Variants in SLC16A2 observed in about 807,000 individuals in gnomAD.
SLC16A2 encodes monocarboxylate transporter 8.
Under a neutral mutation model 27.2 loss-of-function variants are expected in SLC16A2, and 3 were observed. That is an observed-to-expected ratio of 0.11 (90% CI 0.05 to 0.28). The LOEUF is 0.28. Ranked by LOEUF, SLC16A2 falls within the 10% of genes least tolerant of loss-of-function variation. The pLI is 1.00. For synonymous variants in SLC16A2, 202 were observed against 187.8 expected (o/e 1.08, Z -0.62); for missense variants, 295 against 458.5 (o/e 0.64, Z 3.26).
At chrX:74,444,200 C>T (rs1260370522) in intron 1 of SLC16A2, among the ~76,000 whole-genome samples, 1 of 111,582 alleles carries the variant, frequency 9.0e-6, no homozygotes, top group Non-Finnish European at 1.9e-5. Context: ...ACCACTCATT[C>T]TTCATCTTCT....
chrX:74,427,817 A>AGTG (rs1569282300), intron 1 of SLC16A2, among the ~76,000 whole-genome samples: 10 of 106,959 alleles, frequency 9.3e-5, no homozygotes, highest in African/African-American at 3.4e-4. Context: ...GCGCGCACAC[A>AGTG]CACACACACA....
In SLC16A2 at chrX:74,533,488, A is replaced by G. The variant is rs1193850039; in HGVS notation, c.*1935A>G. The G allele has an allele frequency of 3.6e-5, 4 of 112,215 alleles. No individual in the cohort carries two copies. Among genetic ancestry groups the G allele is most frequent in the African/African-American group, 9.8e-5 (3 of 30,699 alleles). The allele number at this position is 112,215 out of a possible 1,213,427, so 9.2% of individuals were successfully genotyped here. On this transcript the variant is annotated 3_prime_UTR_variant, in exon 6 of 6. Transcript: ENST00000587091. ...TAACTCCCAGGAGAGACCACTGAAA[A>G]TACTGGAGCAACAATGCCCCTGCTT...
chrX:74,478,403 C>T (rs1473720447), intron 1 of SLC16A2, among the ~76,000 whole-genome samples: 1 of 111,468 alleles, frequency 9.0e-6, no homozygotes. Context: ...AGATGGGTTT[C>T]CTGAATACAG....
chrX:74,489,457 T>C (rs6647491), intron 1 of SLC16A2, among the ~76,000 whole-genome samples: 34,335 of 111,079 alleles, frequency 0.31, 5,063 homozygotes, highest in East Asian at 0.86. Flanking sequence ...AAAATGCTAA[T>C]AATTCTTAAA....
chrX:74,429,739 C>T (rs773178708), intron 1 of SLC16A2, among the ~76,000 whole-genome samples: 1 of 111,823 alleles, frequency 8.9e-6, no homozygotes, highest in Non-Finnish European at 1.9e-5. Flanking sequence ...CTGTCCAAGC[C>T]GGTTAGCACA....
At chrX:74,499,663 G>A (rs922598493) in intron 1 of SLC16A2, among the ~76,000 whole-genome samples, 4 of 110,495 alleles carry the variant, frequency 3.6e-5, no homozygotes, top group Non-Finnish European at 5.7e-5. Flanking sequence ...CATGTTGGCC[G>A]GGCTAGTCTC....
At chrX:74,434,878 C>T (rs1249341328) in intron 1 of SLC16A2, among the ~76,000 whole-genome samples, 6 of 103,550 alleles carry the variant, frequency 5.8e-5, no homozygotes, top group East Asian at 3.0e-4. Context: ...TGCAGTGGCG[C>T]GATCTCGGCT....
At chrX:74,439,284 C>T (rs1928694673) in intron 1 of SLC16A2, among the ~76,000 whole-genome samples, 1 of 93,276 alleles carries the variant, frequency 1.1e-5, no homozygotes, top group Admixed American at 1.3e-4. Flanking sequence ...TTCCTCCCTC[C>T]CTTCCTTCCT....
At chrX:74,492,803 C>A (rs1364353274) in intron 1 of SLC16A2, among the ~76,000 whole-genome samples, 2 of 111,410 alleles carry the variant, frequency 1.8e-5, no homozygotes, top group Non-Finnish European at 3.8e-5. Context: ...CTGCATTCCA[C>A]CTTCTTTCCC....
chrX:74,511,171 T>A (rs369331212), intron 1 of SLC16A2, among the ~76,000 whole-genome samples: 2 of 111,530 alleles, frequency 1.8e-5, no homozygotes, highest in African/African-American at 6.5e-5. Context: ...TTCGTGGTTT[T>A]TTTTATTTTA....
At chrX:74,520,892 G>GC in intron 1 of SLC16A2, 98 bp from the exon 2 acceptor site, 1 of 972,200 alleles carries the variant, frequency 1.0e-6, no homozygotes, top group Non-Finnish European at 1.5e-6. Context: ...CCAATGCAAT[G>GC]CCCCCTGTGA....
At chrX:74,522,524 T>C (rs1930422946) in intron 2 of SLC16A2, among the ~76,000 whole-genome samples, 1 of 111,989 alleles carries the variant, frequency 8.9e-6, no homozygotes, top group African/African-American at 3.2e-5. Flanking sequence ...GGTGCCTGGC[T>C]CCTTGTGGGG....
intron 1 of SLC16A2, among the ~76,000 whole-genome samples, chrX:74,503,329 T>G (rs1930070599): frequency 9.0e-6 from 1 of 111,557 alleles, no homozygotes; most frequent in Non-Finnish European, 1.9e-5. Context: ...TGCTGTCTTG[T>G]GGGCACATAC....
chrX:74,453,715 C>T (rs1418776128), intron 1 of SLC16A2, among the ~76,000 whole-genome samples: 1 of 110,927 alleles, frequency 9.0e-6, no homozygotes. Context: ...GTTCACCCCA[C>T]CTTAGACAAC....
At chrX:74,478,950 C>A (rs1449267911) in intron 1 of SLC16A2, among the ~76,000 whole-genome samples, 2 of 110,892 alleles carry the variant, frequency 1.8e-5, no homozygotes, top group Non-Finnish European at 3.8e-5. Flanking sequence ...GTGAATCTGA[C>A]AATTATGTGT....
chrX:74,514,803 C>T (rs935338812), intron 1 of SLC16A2, among the ~76,000 whole-genome samples: 22 of 111,785 alleles, frequency 2.0e-4, no homozygotes, highest in African/African-American at 6.5e-4. Context: ...GAATACCCAC[C>T]CCTGCTCAGC....
intron 1 of SLC16A2, among the ~76,000 whole-genome samples, chrX:74,426,830 A>G (rs751622705): frequency 1.5e-4 from 17 of 112,694 alleles, no homozygotes; most frequent in African/African-American, 5.5e-4. Context: ...TTGGGAGAAG[A>G]TTGGGAAAGC....
intron 1 of SLC16A2, among the ~76,000 whole-genome samples, chrX:74,452,018 C>T (rs1388122212): frequency 7.1e-5 from 8 of 112,650 alleles, no homozygotes; most frequent in African/African-American, 1.9e-4. Flanking sequence ...AATGACTGTC[C>T]GCTATCAGAG....
chrX:74,421,674 G>T lies in SLC16A2; in HGVS notation c.37G>T (p.Gly13Trp), dbSNP rs1928296143. The T allele has an allele frequency of 4.2e-6, 5 of 1,199,676 alleles. No homozygotes were observed. The East Asian group carries it at 1.5e-4, about 36-fold the overall frequency. The stretch of plus-strand genomic sequence containing the variant: ...AAGCCAGGCGAGCGAGGAAGCAAAG[G>T]GGCCCTGGCAGGAGGCAGACCAGGA... ...LQSQASEEAKGPWQEADQEQQ... is the reference protein window; with the variant it reads ...LQSQASEEAKWPWQEADQEQQ... The change falls in exon 1 of 6, where the codon GGG (glycine) becomes TGG (tryptophan). Residue 13 changes from glycine (G) to tryptophan (W), a missense_variant. Gly to Trp is a radical substitution (Grantham distance 184). Transcript: ENST00000587091.
Sources: gnomAD v4.1 joint callset for allele counts (sites outside exome capture counted in the v4.1 genomes callset) on GRCh38, gnomAD v4.1.1 for gene constraint, MANE v1.5 for transcripts, NCBI Gene and HGNC (gene_info 2026-07-23, HGNC 2026-07-21) for gene names.